Variants in PAPPA observed in about 807,000 individuals in gnomAD.
The protein encoded by PAPPA is pappalysin 1.
In PAPPA, 60 loss-of-function variants were observed where a neutral mutation model predicts 164.0. That is an observed-to-expected ratio of 0.37 (90% confidence interval 0.30 to 0.45). The LOEUF is 0.45. Among genes scored for constraint, PAPPA ranks in the 20% least tolerant of loss-of-function variants. The pLI is 1.00. For synonymous variants in PAPPA, 875 were observed against 814.1 expected (o/e 1.07, Z -1.27); for missense variants, 1,782 against 2,087.3 (o/e 0.85, Z 2.85).
At chr9:116,232,009 C>T (rs1336213980) in intron 6 of PAPPA, among the ~76,000 whole-genome samples, 1 of 151,970 alleles carries the variant, frequency 6.6e-6, no homozygotes, top group Non-Finnish European at 1.5e-5. Context: ...CTGCCTAGGC[C>T]TCCCAAAGTG....
chr9:116,245,766 G>A (rs760247089), intron 7 of PAPPA, among the ~76,000 whole-genome samples: 15 of 152,172 alleles, frequency 9.9e-5, no homozygotes, highest in African/African-American at 2.2e-4. Flanking sequence ...CCCATGAGTC[G>A]TAAGAGAGGA....
chr9:116,313,007 C>T (rs959335258), intron 10 of PAPPA, among the ~76,000 whole-genome samples: 2 of 145,588 alleles, frequency 1.4e-5, no homozygotes, highest in East Asian at 2.1e-4. Context: ...GGCGTGAACC[C>T]GGGAGGCAGA....
At position 116,311,369 on chromosome 9, in the gene PAPPA, G is replaced by A. The variant is rs143365318; in HGVS notation, c.3147+8419G>A. 3.4e-4 allele frequency among the ~76,000 whole-genome samples: 51 copies of A among 152,236 alleles called. No homozygotes were observed. The South Asian group carries it at 0.01, about 31-fold the overall frequency. ...GGAAGACACCAAAATAGCTTCTTTCGATAAGAAAAGACAAAGCTTGCAAAG... is the reference window on the plus strand; with the variant it reads ...GGAAGACACCAAAATAGCTTCTTTCAATAAGAAAAGACAAAGCTTGCAAAG... On this transcript the variant is annotated intron_variant, in intron 10 of 21. Transcript: ENST00000328252.
chr9:116,154,471 GC>G lies in PAPPA; in HGVS notation c.300del (p.Ser100ArgfsTer37). 1 of 1,298,924 alleles carries G rather than the reference GC, an allele frequency of 7.7e-7. No homozygotes were observed. The highest frequency in any genetic ancestry group is 9.8e-7 in the Non-Finnish European group (1 of 1,022,826). The allele number at this position is 1,298,924 out of a possible 1,614,324, so 80.5% of individuals were successfully genotyped here. ...CCGCCGAGCCGGGCGCTCTATTTCA[GC>G]GGGCGAGGCGAGCAGCTGCGCCTCC... Reference protein sequence around the residue: ...PSPPSRALYFSGRGEQLRLRA... With the variant: ...PSPPSRALYFXGRGEQLRLRA... On this transcript the variant is annotated frameshift_variant, in exon 1 of 22. Coordinates refer to ENST00000328252, the MANE Select transcript of PAPPA (RefSeq NM_002581.5). LOFTEE classifies it high-confidence loss of function. The surrounding 1 kb of genome is among the most constrained non-coding windows in gnomAD (Gnocchi z 5.2).
At chr9:116,360,462 G>A (rs1846411287) in intron 17 of PAPPA, among the ~76,000 whole-genome samples, 1 of 152,262 alleles carries the variant, frequency 6.6e-6, no homozygotes, top group South Asian at 2.1e-4. Context: ...CTGGAAAGGG[G>A]CCCCTTTCTC....
At chr9:116,336,550 T>C (rs1846064131) in intron 13 of PAPPA, among the ~76,000 whole-genome samples, 1 of 152,228 alleles carries the variant, frequency 6.6e-6, no homozygotes. Context: ...TTCCCATTTT[T>C]AACCAGCCTT....
At chr9:116,180,010 C>T (rs750632908) in intron 1 of PAPPA, among the ~76,000 whole-genome samples, 6 of 152,080 alleles carry the variant, frequency 3.9e-5, no homozygotes, top group Non-Finnish European at 8.8e-5. Context: ...GGCAGATGTC[C>T]CACAGCTAGT....
chr9:116,361,137 A>T (rs1564241287), intron 17 of PAPPA, among the ~76,000 whole-genome samples: 1 of 152,212 alleles, frequency 6.6e-6, no homozygotes, highest in Non-Finnish European at 1.5e-5. Context: ...AGGCAGAATT[A>T]AGGCTGGGAG....
rs1421573050 is a variant in PAPPA at position 116,212,919 on chromosome 9, T to A, written c.1918+987T>A. On this transcript the variant is annotated intron_variant, in intron 4 of 21. Transcript: ENST00000328252. ...TAATTCTCACAACAAATGTGTAGAG[T>A]CAGAACTATCCCCACTCTACAGATG... is the stretch of plus-strand genomic sequence containing the variant. 3.9e-5 allele frequency among the ~76,000 whole-genome samples: 6 copies of A among 152,222 alleles called. No individual in the cohort carries two copies. The East Asian group carries it at 7.7e-4, about 20-fold the overall frequency.
intron 10 of PAPPA, among the ~76,000 whole-genome samples, chr9:116,330,704 T>G (rs1845980165): frequency 6.6e-6 from 1 of 152,170 alleles, no homozygotes; most frequent in African/African-American, 2.4e-5. Flanking sequence ...TTCAGTCTTT[T>G]CTCTGTTGTA....
intron 13 of PAPPA, among the ~76,000 whole-genome samples, chr9:116,344,176 GA>G (rs1439910807): frequency 4.6e-5 from 7 of 152,096 alleles, no homozygotes. Flanking sequence ...TCACAAAATA[GA>G]AAAAGGCTTT....
At chr9:116,349,868 C>T (rs1331878403) in intron 15 of PAPPA, among the ~76,000 whole-genome samples, 1 of 152,184 alleles carries the variant, frequency 6.6e-6, no homozygotes, top group Non-Finnish European at 1.5e-5. Flanking sequence ...TCAGACATGC[C>T]TTCACTTCGT....
intron 7 of PAPPA, among the ~76,000 whole-genome samples, chr9:116,251,861 T>G (rs1377218015): frequency 6.6e-6 from 1 of 152,252 alleles, no homozygotes; most frequent in East Asian, 1.9e-4. Flanking sequence ...GTTAAATGTC[T>G]TCCCTTCAAA....
chr9:116,168,631 G>C (rs1462923243), intron 1 of PAPPA, among the ~76,000 whole-genome samples: 12 of 152,198 alleles, frequency 7.9e-5, no homozygotes, highest in Admixed American at 7.9e-4. Context: ...TGGGGGTATA[G>C]TCATGTATGT....
intron 2 of PAPPA, 50 bp from the exon 3 acceptor site, chr9:116,207,406 G>C: frequency 1.6e-6 from 1 of 615,252 alleles, no homozygotes; most frequent in Non-Finnish European, 2.1e-6. Flanking sequence ...GAGAGGGCCT[G>C]TTATCTTTTT....
At chr9:116,260,504 G>T (rs1031654491) in intron 7 of PAPPA, among the ~76,000 whole-genome samples, 1 of 152,070 alleles carries the variant, frequency 6.6e-6, no homozygotes, top group African/African-American at 2.4e-5. Context: ...GGAATACTTG[G>T]ACTCTTCCTG....
At chr9:116,276,180 C>CT (rs1845195673) in intron 9 of PAPPA, among the ~76,000 whole-genome samples, 1 of 152,208 alleles carries the variant, frequency 6.6e-6, no homozygotes, top group Non-Finnish European at 1.5e-5. Flanking sequence ...AATTCTGTCT[C>CT]TAAAGCATTG....
chr9:116,161,989 C>A (rs1232493243), intron 1 of PAPPA, among the ~76,000 whole-genome samples: 1 of 152,108 alleles, frequency 6.6e-6, no homozygotes, highest in Non-Finnish European at 1.5e-5. Flanking sequence ...CCCCCAAGGT[C>A]GCACAAAGAT....
chr9:116,182,611 G>A (rs1278509224), intron 1 of PAPPA, among the ~76,000 whole-genome samples: 1 of 152,196 alleles, frequency 6.6e-6, no homozygotes, highest in African/African-American at 2.4e-5. Flanking sequence ...TACAGCCTTA[G>A]CCAAGGTTCT....
Sources: gnomAD v4.1 joint callset for allele counts (sites outside exome capture counted in the v4.1 genomes callset) on GRCh38, gnomAD v4.1.1 for gene constraint, Gnocchi (gnomAD v3.1) non-coding constraint, MANE v1.5 for transcripts, NCBI Gene and HGNC (gene_info 2026-07-23, HGNC 2026-07-21) for gene names.